Variants in PRKCH observed in about 807,000 individuals in gnomAD.
The protein encoded by PRKCH is protein kinase C eta, also known as protein kinase C eta type.
Under a neutral mutation model 82.5 loss-of-function variants are expected in PRKCH, and 28 were observed. The observed-to-expected ratio is 0.34, with a 90% CI of 0.25 to 0.47. The LOEUF (loss-of-function observed/expected upper bound fraction) is 0.47, where lower values mean the gene tolerates loss of function less well. PRKCH is among the 20% of genes least tolerant of loss of function. The pLI is 1.00. For missense variants in PRKCH, 705 were observed against 881.8 expected (o/e 0.80, Z 2.54); for synonymous variants, 322 against 327.4 (o/e 0.98, Z 0.18).
intron 1 of PRKCH, among the ~76,000 whole-genome samples, chr14:61,226,454 G>A (rs2044696999): frequency 6.6e-6 from 1 of 152,158 alleles, no homozygotes; most frequent in Non-Finnish European, 1.5e-5. Context: ...GGATGTTGTG[G>A]GTCGATTACA....
chr14:61,290,419 GTTTC>G, intron 1 of PRKCH, among the ~76,000 whole-genome samples: 1 of 152,292 alleles, frequency 6.6e-6, no homozygotes, highest in African/African-American at 2.4e-5. Context: ...TCCTAGGATT[GTTTC>G]TTGTAACATC....
intron 9 of PRKCH, among the ~76,000 whole-genome samples, chr14:61,476,746 T>C (rs184811214): frequency 3.9e-5 from 6 of 152,340 alleles, no homozygotes; most frequent in Non-Finnish European, 7.3e-5. Flanking sequence ...ATATTTCACC[T>C]TCCCAAAGAC....
intron 10 of PRKCH, among the ~76,000 whole-genome samples, chr14:61,515,334 G>A (rs535955200): frequency 6.6e-6 from 1 of 152,278 alleles, no homozygotes; most frequent in East Asian, 1.9e-4. Flanking sequence ...TGGTGTGGAT[G>A]GCAACAGGGT....
intron 2 of PRKCH, among the ~76,000 whole-genome samples, chr14:61,392,757 A>C (rs2046703914): frequency 2.6e-5 from 4 of 151,164 alleles, no homozygotes; most frequent in African/African-American, 9.7e-5. Flanking sequence ...CAATTTGTTA[A>C]TCTCATCTTT....
chr14:61,268,060 C>T lies in PRKCH; in HGVS notation c.-19+80392C>T, dbSNP rs529278945. ...CCTTCATGTTCAGAGTCCAACTCTT[C>T]GGAATCCCTTAAAGACAGAATCTTC... On this transcript the variant is annotated intron_variant, in intron 1 of 3. Transcript: ENST00000555185. Among the ~76,000 whole-genome samples the T allele has an allele frequency of 7.3e-4, 111 of 152,284 alleles. No individual in the cohort carries two copies. The Middle Eastern group carries it at 0.01, about 14-fold the overall frequency.
At chr14:61,438,640 C>T (rs887475785) in intron 2 of PRKCH, among the ~76,000 whole-genome samples, 9 of 152,044 alleles carry the variant, frequency 5.9e-5, no homozygotes, top group South Asian at 2.1e-4. Flanking sequence ...TCACAGCAAC[C>T]GAGAATAGGA....
intron 1 of PRKCH, among the ~76,000 whole-genome samples, chr14:61,377,089 C>G (rs1368231264): frequency 2.6e-5 from 4 of 152,162 alleles, no homozygotes; most frequent in African/African-American, 7.2e-5. Flanking sequence ...TGTCATCTCC[C>G]AGGTCATCTA....
At chr14:61,279,012 C>CACA (rs61512805) in intron 1 of PRKCH, 3 of 147,672 alleles carry the variant, frequency 2.0e-5, no homozygotes, top group South Asian at 2.1e-4. Context: ...CACACACACA[C>CACA]AATGACAAAG....
rs554605171 is a variant in PRKCH at position 61,363,757 on chromosome 14, C to T, written c.364-27468C>T. ...AGAACTCTGAGGATGAAGAAGGCAA[C>T]GGGCAGGGGATGGAGTCCAAGGGAA... On this transcript the variant is annotated intron_variant, in intron 1 of 13. Transcript: ENST00000332981. 6.3e-4 allele frequency among the ~76,000 whole-genome samples: 95 copies of T among 151,366 alleles called. 3 individuals carry two copies. The highest frequency in any genetic ancestry group is 3.4e-3 in the Middle Eastern group (1 of 294).
At chr14:61,278,975 T>TCTCACACACACACACA (rs368741788) in intron 1 of PRKCH, 1 of 140,240 alleles carries the variant, frequency 7.1e-6, no homozygotes, top group Non-Finnish European at 1.6e-5. Context: ...CCCTTTCTAA[T>TCTCACACACACACACA]CACACACACA....
intron 2 of PRKCH, among the ~76,000 whole-genome samples, chr14:61,403,581 T>C (rs1402989333): frequency 2.0e-5 from 3 of 152,250 alleles, no homozygotes; most frequent in Non-Finnish European, 4.4e-5. Context: ...TTTCTAACTT[T>C]AGAGCTGCCT....
At chr14:61,398,587 G>C (rs976927801) in intron 2 of PRKCH, among the ~76,000 whole-genome samples, 1 of 152,194 alleles carries the variant, frequency 6.6e-6, no homozygotes, top group African/African-American at 2.4e-5. Context: ...TGTGTCTCCT[G>C]ATGGAAGCCC....
At position 61,549,739 on chromosome 14, in the gene PRKCH, G is replaced by A. The variant is rs761908324; in HGVS notation, c.1960G>A (p.Val654Ile). Residue 654 changes from valine to isoleucine, a missense_variant, in exon 14 of 14, where the codon GTT (valine) becomes ATT (isoleucine). By Grantham distance (29) the Val-to-Ile change is conservative. Transcript: ENST00000332981. ...CCCTGACTTCATAAAGGAAGAGCCA[G>A]TTTTAACTCCAATTGATGAGGGACA... is the stretch of plus-strand genomic sequence containing the variant. ...FDPDFIKEEPVLTPIDEGHLP... is the reference protein window; with the variant it reads ...FDPDFIKEEPILTPIDEGHLP... 1.2e-6 allele frequency: 2 copies of A among 1,613,944 alleles called. No homozygotes were observed. Among genetic ancestry groups the A allele is most frequent in the South Asian group, 2.2e-5 (2 of 91,074 alleles).
chr14:61,495,687 G>A (rs192877944), intron 10 of PRKCH, among the ~76,000 whole-genome samples: 3 of 152,064 alleles, frequency 2.0e-5, no homozygotes, highest in Admixed American at 2.0e-4. Flanking sequence ...TTTTTTTGTT[G>A]TTGGGCACTC....
intron 1 of PRKCH, among the ~76,000 whole-genome samples, chr14:61,269,502 C>A (rs930650216): frequency 6.6e-6 from 1 of 152,108 alleles, no homozygotes; most frequent in African/African-American, 2.4e-5. Flanking sequence ...TTTCCTGATC[C>A]TCTCCCTCCT....
chr14:61,236,685 C>A (rs898827680), intron 1 of PRKCH, among the ~76,000 whole-genome samples: 11 of 120,128 alleles, frequency 9.2e-5, no homozygotes, highest in Non-Finnish European at 1.8e-4. Context: ...CCAGCCTGGG[C>A]GACAGAGAAG....
intron 1 of PRKCH, among the ~76,000 whole-genome samples, chr14:61,325,412 A>C (rs2045682437): frequency 6.6e-6 from 1 of 152,224 alleles, no homozygotes; most frequent in South Asian, 2.1e-4. Flanking sequence ...GAACAACTGG[A>C]TAGCCACATA....
At chr14:61,445,635 T>G in intron 3 of PRKCH, 57 bp from the exon 4 acceptor site, 1 of 1,486,114 alleles carries the variant, frequency 6.7e-7, no homozygotes, top group Non-Finnish European at 9.4e-7. Flanking sequence ...CCTTAAGGAC[T>G]ATAAGAGGGT....
chr14:61,522,402 G>C (rs573912335), intron 10 of PRKCH, among the ~76,000 whole-genome samples: 6 of 152,132 alleles, frequency 3.9e-5, no homozygotes, highest in Non-Finnish European at 8.8e-5. Flanking sequence ...AATCCTCACT[G>C]GCCCCTGCCT....
Sources: allele counts gnomAD v4.1 joint callset (sites outside exome capture counted in the v4.1 genomes callset), GRCh38; gene constraint gnomAD v4.1.1; transcripts MANE v1.5; gene names NCBI Gene and HGNC (gene_info 2026-07-23, HGNC 2026-07-21).